Variants in KIF6 observed in about 807,000 individuals in gnomAD.
KIF6 encodes the protein kinesin family member 6.
A neutral mutation model predicts 112.7 loss-of-function variants in KIF6; 106 were observed. The ratio of observed to expected loss-of-function variants is 0.94; its 90% CI spans 0.80 to 1.11. The LOEUF (loss-of-function observed/expected upper bound fraction) is 1.11. Ranked by LOEUF, KIF6 falls within the 50% of genes least tolerant of loss-of-function variation. KIF6 has a pLI of 0.00. For missense variants in KIF6, 929 were observed against 964.0 expected (o/e 0.96, Z 0.48); for synonymous variants, 339 against 339.9 (o/e 1.00, Z 0.03).
At chr6:39,535,213 T>C (rs1021769223) in intron 13 of KIF6, among the ~76,000 whole-genome samples, 1 of 152,070 alleles carries the variant, frequency 6.6e-6, no homozygotes, top group Admixed American at 6.6e-5. Context: ...CACATAACAA[T>C]ACTAACTTTA....
chr6:39,538,630 T>C (rs1365682202), intron 13 of KIF6, among the ~76,000 whole-genome samples: 2 of 150,256 alleles, frequency 1.3e-5, no homozygotes, highest in African/African-American at 2.5e-5. Flanking sequence ...GACTGTAAAC[T>C]AGTTCAACCA....
chr6:39,645,953 C>T (rs543978290), intron 3 of KIF6, among the ~76,000 whole-genome samples: 2 of 151,206 alleles, frequency 1.3e-5, no homozygotes, highest in Non-Finnish European at 2.9e-5. Flanking sequence ...GGGAACATCA[C>T]ACACCGGGGC....
chr6:39,578,723 T>C (rs1290882036), intron 9 of KIF6, among the ~76,000 whole-genome samples: 1 of 152,196 alleles, frequency 6.6e-6, no homozygotes, highest in Admixed American at 6.5e-5. Context: ...GTGATCACTG[T>C]ACTGCATTTA....
intron 3 of KIF6, among the ~76,000 whole-genome samples, chr6:39,678,369 G>A (rs1294427074): frequency 1.3e-5 from 2 of 152,212 alleles, no homozygotes; most frequent in African/African-American, 4.8e-5. Flanking sequence ...GTCAGGTGGA[G>A]AGTTTGGTCA....
At chr6:39,513,143 T>C (rs1470755865) in intron 13 of KIF6, among the ~76,000 whole-genome samples, 2 of 152,124 alleles carry the variant, frequency 1.3e-5, no homozygotes, top group Non-Finnish European at 2.9e-5. Context: ...GGCCTTCTGC[T>C]AGTGTTCCCA....
chr6:39,522,104 C>G (rs114562500), intron 13 of KIF6, among the ~76,000 whole-genome samples: 1 of 152,148 alleles, frequency 6.6e-6, no homozygotes, highest in Non-Finnish European at 1.5e-5. Flanking sequence ...AGCCTTTTCC[C>G]TTCACTGACA....
intron 3 of KIF6, 37 bp downstream of exon 3, chr6:39,714,655 A>G (rs1789728708): frequency 2.0e-6 from 3 of 1,469,994 alleles, no homozygotes; most frequent in Non-Finnish European, 1.9e-6. Context: ...AACATGAAAA[A>G]CCACGAGCCC....
At chr6:39,659,674 C>G (rs1395083219) in intron 3 of KIF6, among the ~76,000 whole-genome samples, 1 of 152,196 alleles carries the variant, frequency 6.6e-6, no homozygotes, top group East Asian at 1.9e-4. Flanking sequence ...TGGCACTTCT[C>G]TCTCCTGCCA....
intron 19 of KIF6, 28 bp downstream of exon 19, chr6:39,357,249 T>C: frequency 1.3e-6 from 2 of 1,499,668 alleles, no homozygotes; most frequent in Non-Finnish European, 1.8e-6. Context: ...CTGGGAACTC[T>C]AACACCTCCG....
At chr6:39,542,073 A>G (rs1778818358) in intron 12 of KIF6, among the ~76,000 whole-genome samples, 1 of 152,096 alleles carries the variant, frequency 6.6e-6, no homozygotes. Context: ...TCCGTGGGGG[A>G]GGGGATGGTG....
chr6:39,389,973 A>G (rs1217260973), intron 15 of KIF6, among the ~76,000 whole-genome samples: 1 of 149,366 alleles, frequency 6.7e-6, no homozygotes, highest in Non-Finnish European at 1.5e-5. Context: ...AGAGGTTGCA[A>G]TGAGCCAAGA....
At chr6:39,361,610 A>C (rs1765147053) in intron 17 of KIF6, among the ~76,000 whole-genome samples, 1 of 151,728 alleles carries the variant, frequency 6.6e-6, no homozygotes, top group African/African-American at 2.4e-5. Context: ...AACTAAGGAA[A>C]ATGAACAGAG....
intron 13 of KIF6, among the ~76,000 whole-genome samples, chr6:39,533,190 A>C (rs1487377024): frequency 1.3e-5 from 2 of 152,232 alleles, no homozygotes; most frequent in African/African-American, 2.4e-5. Context: ...ACCGTGCGTG[A>C]GCCGAAGCAG....
chr6:39,652,419 C>T (rs1234918963), intron 3 of KIF6, among the ~76,000 whole-genome samples: 1 of 151,828 alleles, frequency 6.6e-6, no homozygotes, highest in Non-Finnish European at 1.5e-5. Flanking sequence ...CCCAGCTACT[C>T]AGGAGGCTGA....
In KIF6 at chr6:39,332,081, G is replaced by A. The variant is rs1762760706; in HGVS notation, c.*4451C>T. ...TCCTGCCTCAGCCTCTGAGTAGCTG[G>A]GATTACAGGTACGCAACACCATGCC... On this transcript the variant is annotated 3_prime_UTR_variant, in exon 23 of 23. Coordinates refer to ENST00000287152, the MANE Select transcript of KIF6 (RefSeq NM_145027.6). 1 of 151,932 alleles carries A rather than the reference G, an allele frequency of 6.6e-6. No homozygotes were observed. Among genetic ancestry groups the A allele is most frequent in the Non-Finnish European group, 1.5e-5 (1 of 67,998 alleles). 9.4% of individuals were successfully genotyped at this position (151,932 alleles called of 1,614,324 possible).
chr6:39,489,910 G>A (rs1489384927), intron 13 of KIF6, among the ~76,000 whole-genome samples: 1 of 152,098 alleles, frequency 6.6e-6, no homozygotes, highest in Non-Finnish European at 1.5e-5. Context: ...AACTACTGAC[G>A]GCATATTTGA....
At chr6:39,539,234 TA>T (rs1218891825) in intron 13 of KIF6, among the ~76,000 whole-genome samples, 9 of 146,726 alleles carry the variant, frequency 6.1e-5, no homozygotes, top group East Asian at 2.0e-4. Flanking sequence ...AAAATAAAAT[TA>T]AAAAAAAAAG....
chr6:39,485,417 T>C (rs1413469435), intron 13 of KIF6, among the ~76,000 whole-genome samples: 1 of 152,122 alleles, frequency 6.6e-6, no homozygotes, highest in African/African-American at 2.4e-5. Context: ...ACAGCACTCA[T>C]GATGTATTTG....
intron 7 of KIF6, among the ~76,000 whole-genome samples, chr6:39,587,932 G>A (rs1781724327): frequency 6.6e-6 from 1 of 152,192 alleles, no homozygotes; most frequent in Non-Finnish European, 1.5e-5. Flanking sequence ...TGTACCAAGA[G>A]CACTGATTGC....
Sources: allele counts gnomAD v4.1 joint callset (sites outside exome capture counted in the v4.1 genomes callset), GRCh38; gene constraint gnomAD v4.1.1; transcripts MANE v1.5; gene names NCBI Gene and HGNC (gene_info 2026-07-23, HGNC 2026-07-21).